CATSPERB: variants seen among roughly 807,000 people sequenced by gnomAD.
CATSPERB encodes cation channel sperm-associated auxiliary subunit beta.
CATSPERB carries 93 observed loss-of-function variants against 128.3 expected under a neutral mutation model. That is an observed-to-expected ratio of 0.72 (90% CI 0.61 to 0.86). The LOEUF (loss-of-function observed/expected upper bound fraction) is 0.86. Among genes scored for constraint, CATSPERB ranks in the 40% least tolerant of loss-of-function variants. The probability of loss-of-function intolerance (pLI) is 0.00; values close to 1 mark genes in which losing one functional copy is unlikely to be tolerated. For missense variants in CATSPERB, 1,153 were observed against 1,329.5 expected (o/e 0.87, Z 2.06); for synonymous variants, 381 against 448.8 (o/e 0.85, Z 1.91).
chr14:91,604,638 T>A, intron 22 of CATSPERB: 1 of 1,611,712 alleles, frequency 6.2e-7, no homozygotes, highest in Non-Finnish European at 8.5e-7. Flanking sequence ...CAGGACTGGG[T>A]GCACCAGGTC....
At chr14:91,640,179 C>T (rs1050951741) in intron 15 of CATSPERB, among the ~76,000 whole-genome samples, 4 of 152,150 alleles carry the variant, frequency 2.6e-5, no homozygotes, top group African/African-American at 9.7e-5. Context: ...GCCTTCCTCA[C>T]CTTCATTAAT....
Position 91,612,617 on chromosome 14 carries a change from A to G in CATSPERB, c.2401-1940T>C, listed in dbSNP as rs185557042. Among the ~76,000 whole-genome samples, 3 of 152,360 alleles carry G rather than the reference A, an allele frequency of 2.0e-5. No individual in the cohort carries two copies. In the East Asian group the frequency reaches 5.8e-4, roughly 29 times the overall value. On this transcript the variant is annotated intron_variant, in intron 20 of 26. Transcript: ENST00000256343. ...GTGCAATTCAATAAATTCTATTTAC[A>G]ATTCTGAAGTATTTTTGGAACTTTA... is the stretch of plus-strand genomic sequence containing the variant.
chr14:91,586,571 A>AAGAGAGAG (rs35756131), intron 26 of CATSPERB, among the ~76,000 whole-genome samples: 10,981 of 114,080 alleles, frequency 0.096, 635 homozygotes, highest in Admixed American at 0.15. Flanking sequence ...GAGAGAGAGA[A>AAGAGAGAG]AGAGAGAGAG....
chr14:91,692,077 G>A (rs185124652), intron 9 of CATSPERB, among the ~76,000 whole-genome samples: 160 of 151,682 alleles, frequency 1.1e-3, no homozygotes, highest in African/African-American at 3.6e-3. Flanking sequence ...CTTGGGAGGC[G>A]GAGGCAGGAG....
chr14:91,605,299 A>G, intron 22 of CATSPERB: 2 of 905,000 alleles, frequency 2.2e-6, no homozygotes, highest in Non-Finnish European at 1.8e-6. Context: ...GGCTTTGTGA[A>G]CAAGCTGGAG....
At chr14:91,699,165 T>C (rs1895607276) in intron 7 of CATSPERB, among the ~76,000 whole-genome samples, 1 of 152,234 alleles carries the variant, frequency 6.6e-6, no homozygotes, top group Admixed American at 6.5e-5. Flanking sequence ...GCTATAAACA[T>C]ATGTGTGCAA....
At chr14:91,626,047 C>A (rs768223210) in intron 17 of CATSPERB, among the ~76,000 whole-genome samples, 11 of 152,136 alleles carry the variant, frequency 7.2e-5, no homozygotes, top group Non-Finnish European at 1.2e-4. Flanking sequence ...ATCACTTGAG[C>A]CTGTGAGGTG....
At position 91,582,140 on chromosome 14, in the gene CATSPERB, C is replaced by T. The variant is rs1333895253; in HGVS notation, c.3133-1033G>A. On this transcript the variant is annotated intron_variant, in intron 26 of 26. Transcript: ENST00000256343. ...TAGGCTACTCTAGTAGCCTCCTTCC[C>T]AGCCCACCAGTCCGTGTTGACATCC... is the stretch of plus-strand genomic sequence containing the variant. 3.3e-5 allele frequency among the ~76,000 whole-genome samples: 5 copies of T among 152,208 alleles called. No individual in the cohort carries two copies. The East Asian group carries it at 9.6e-4, about 29-fold the overall frequency.
chr14:91,599,374 G>A (rs1743167), intron 22 of CATSPERB, among the ~76,000 whole-genome samples: 111,009 of 151,686 alleles, frequency 0.73, 41,072 homozygotes, highest in East Asian at 0.97. Flanking sequence ...CCTGGCTAAC[G>A]CGGTGAAACC....
intron 22 of CATSPERB, among the ~76,000 whole-genome samples, chr14:91,605,956 C>G (rs1893693875): frequency 6.6e-6 from 1 of 151,768 alleles, no homozygotes; most frequent in Admixed American, 6.6e-5. Flanking sequence ...CGGGCGGATC[C>G]CTTGAGGTCA....
At chr14:91,660,464 T>C (rs935764075) in intron 14 of CATSPERB, among the ~76,000 whole-genome samples, 7 of 152,200 alleles carry the variant, frequency 4.6e-5, no homozygotes, top group Non-Finnish European at 1.0e-4. Context: ...GGGACCTTTG[T>C]AGATCCTCAA....
intron 7 of CATSPERB, among the ~76,000 whole-genome samples, chr14:91,702,675 A>AACACACACACACACACAC (rs71461951): frequency 1.4e-5 from 2 of 145,592 alleles, no homozygotes; most frequent in South Asian, 2.2e-4. Flanking sequence ...CAAAAAAGAA[A>AACACACACACACACACAC]ACACACACAC....
At chr14:91,686,792 C>T (rs1388606516) in intron 10 of CATSPERB, among the ~76,000 whole-genome samples, 1 of 152,212 alleles carries the variant, frequency 6.6e-6, no homozygotes, top group Non-Finnish European at 1.5e-5. Context: ...CATAAAATTT[C>T]TAGGTACAAA....
rs1338146685 is a variant in CATSPERB at position 91,650,293 on chromosome 14, AAC to A, written c.1432+9542_1432+9543del. 1.0e-4 allele frequency among the ~76,000 whole-genome samples: 14 copies of A among 136,352 alleles called. No homozygotes were observed. In the Admixed American group the frequency reaches 1.2e-3, roughly 12 times the overall value. 89.5% of individuals were successfully genotyped at this position (136,352 alleles called of 152,430 possible). On this transcript the variant is annotated intron_variant, in intron 15 of 26. Transcript: ENST00000256343. ...TTTATTGCTGCTTAAAATGCTTTCA[AAC>A]AAAGTTATTGTGTGTGCAGAGAAGA...
intron 17 of CATSPERB, among the ~76,000 whole-genome samples, chr14:91,630,235 G>A (rs1894250284): frequency 1.3e-5 from 2 of 152,000 alleles, no homozygotes; most frequent in African/African-American, 4.8e-5. Flanking sequence ...TACCTTACTG[G>A]CTGCTCCTTC....
At chr14:91,628,697 T>G (rs559365407) in intron 17 of CATSPERB, among the ~76,000 whole-genome samples, 2 of 152,334 alleles carry the variant, frequency 1.3e-5, no homozygotes, top group South Asian at 4.1e-4. Flanking sequence ...TCCCCAGCCA[T>G]GCAGAACTGT....
At chr14:91,626,480 C>G (rs1894164654) in intron 17 of CATSPERB, among the ~76,000 whole-genome samples, 1 of 146,610 alleles carries the variant, frequency 6.8e-6, no homozygotes, top group Admixed American at 7.1e-5. Flanking sequence ...GTGATTAGAT[C>G]ATGAGGCTTT....
chr14:91,633,955 C>G (rs541275710), intron 17 of CATSPERB, among the ~76,000 whole-genome samples: 1 of 151,868 alleles, frequency 6.6e-6, no homozygotes, highest in Non-Finnish European at 1.5e-5. Context: ...CTATAATATG[C>G]TAAGAAACAT....
At position 91,610,584 on chromosome 14, in the gene CATSPERB, G is replaced by A. The variant is rs745440114; in HGVS notation, c.2494C>T (p.Leu832Phe). The change falls in exon 21 of 27, where the codon CTC (leucine) becomes TTC (phenylalanine). Residue 832 changes from leucine (L) to phenylalanine (F), a missense_variant. By Grantham distance (22) the Leu-to-Phe change is conservative. Coordinates refer to ENST00000256343, the MANE Select transcript of CATSPERB (RefSeq NM_024764.4). ...VPTLKSSCSY[L>F]RSMHHIPSKF... is the part of the protein sequence containing the mutation. Reference sequence around the variant, plus strand: ...CTAGGAATGTGATGCATAGATCTGAGATAACTACAGCTGCTTTTCAGTGTT... The same window carrying A: ...CTAGGAATGTGATGCATAGATCTGAAATAACTACAGCTGCTTTTCAGTGTT... 6.2e-7 allele frequency: 1 copy of A among 1,613,716 alleles called. No homozygotes were observed. Among genetic ancestry groups the A allele is most frequent in the Admixed American group, 1.7e-5 (1 of 59,974 alleles).
Sources: gnomAD v4.1 joint callset for allele counts (sites outside exome capture counted in the v4.1 genomes callset) on GRCh38, gnomAD v4.1.1 for gene constraint, MANE v1.5 for transcripts, NCBI Gene and HGNC (gene_info 2026-07-23, HGNC 2026-07-21) for gene names.